Variants in JAZF1 observed in about 807,000 individuals in gnomAD.
JAZF1 encodes JAZF zinc finger 1, also known as juxtaposed with another zinc finger protein 1.
A neutral mutation model predicts 26.4 loss-of-function variants in JAZF1; 8 were observed. The observed-to-expected ratio is 0.30, with a 90% CI of 0.18 to 0.55. The LOEUF (loss-of-function observed/expected upper bound fraction) is 0.55, where lower values mean the gene tolerates loss of function less well. Among genes scored for constraint, JAZF1 ranks in the 20% least tolerant of loss-of-function variants. JAZF1 has a pLI of 0.94. For synonymous variants in JAZF1, 126 were observed against 122.3 expected, an observed-to-expected ratio of 1.03 and a Z score of -0.20; for missense variants, 199 against 322.0, an observed-to-expected ratio of 0.62 and a Z score of 2.92.
Position 27,830,620 on chromosome 7 carries a change from C to A in JAZF1, c.*2180G>T. The A allele has an allele frequency of 5.5e-6, 1 of 181,424 alleles. No homozygotes were observed. The highest frequency in any genetic ancestry group is 1.2e-5 in the Non-Finnish European group (1 of 84,702). 11.2% of individuals were successfully genotyped at this position (181,424 alleles called of 1,614,324 possible). On this transcript the variant is annotated 3_prime_UTR_variant, in exon 5 of 5. Coordinates refer to ENST00000283928, the MANE Select transcript of JAZF1 (RefSeq NM_175061.4). ...TTTATTTTAAATGTGATTTCATTTACATTTATAAGCAGCTTTTCTTGACAG... is the reference window on the plus strand; with the variant it reads ...TTTATTTTAAATGTGATTTCATTTAAATTTATAAGCAGCTTTTCTTGACAG...
intron 1 of JAZF1, among the ~76,000 whole-genome samples, chr7:28,027,177 T>G (rs974031722): frequency 6.6e-6 from 1 of 152,170 alleles, no homozygotes; most frequent in Non-Finnish European, 1.5e-5. Context: ...CCCAGCCCCA[T>G]GCCAGTCTCA....
chr7:28,063,165 A>C (rs1302537017), intron 1 of JAZF1, among the ~76,000 whole-genome samples: 1 of 152,242 alleles, frequency 6.6e-6, no homozygotes, highest in Non-Finnish European at 1.5e-5. Context: ...CTTCCACAGA[A>C]AAGGGCTGGA....
At chr7:28,123,255 A>T (rs1782633783) in intron 1 of JAZF1, among the ~76,000 whole-genome samples, 1 of 152,006 alleles carries the variant, frequency 6.6e-6, no homozygotes, top group Admixed American at 6.6e-5. Context: ...CTCAATCCCT[A>T]CCACTCACCC....
intron 1 of JAZF1, among the ~76,000 whole-genome samples, chr7:28,081,746 T>C (rs1784140793): frequency 6.6e-6 from 1 of 152,140 alleles, no homozygotes; most frequent in African/African-American, 2.4e-5. Flanking sequence ...GGAGGATGGG[T>C]CAATCTGCAT....
intron 4 of JAZF1, among the ~76,000 whole-genome samples, chr7:27,833,924 G>A (rs534269468): frequency 1.2e-4 from 18 of 152,194 alleles, no homozygotes; most frequent in Non-Finnish European, 1.8e-4. Context: ...GACGGCGGAC[G>A]TGTGGTATTT....
chr7:28,090,946 C>T (rs1784286787), intron 1 of JAZF1, among the ~76,000 whole-genome samples: 2 of 150,874 alleles, frequency 1.3e-5, no homozygotes, highest in Non-Finnish European at 3.0e-5. Context: ...CCTGCCTCAG[C>T]CTCCCGAGTA....
At chr7:28,154,706 T>C (rs918305893) in intron 1 of JAZF1, among the ~76,000 whole-genome samples, 2 of 152,102 alleles carry the variant, frequency 1.3e-5, no homozygotes, top group African/African-American at 2.4e-5. Context: ...TAAATAATTA[T>C]TTATGATTCC....
chr7:28,169,652 G>C (rs992558921), intron 1 of JAZF1, among the ~76,000 whole-genome samples: 10 of 152,144 alleles, frequency 6.6e-5, no homozygotes, highest in African/African-American at 2.4e-4. Context: ...CTTAGCTTGG[G>C]TTTACAAAGA....
intron 1 of JAZF1, among the ~76,000 whole-genome samples, chr7:28,078,904 A>G (rs1273670113): frequency 6.6e-6 from 1 of 152,200 alleles, no homozygotes. Context: ...GAACTAGAAT[A>G]ACTGACTTTT....
chr7:28,000,403 T>C (rs915008333), intron 1 of JAZF1, among the ~76,000 whole-genome samples: 3 of 152,088 alleles, frequency 2.0e-5, no homozygotes, highest in Admixed American at 6.6e-5. Flanking sequence ...ATGTCAATAA[T>C]GTCAAAGTTG....
rs534549767 is a variant in JAZF1, at chr7:27,909,663, G to A, written c.189-14247C>T. Among the ~76,000 whole-genome samples, 35 of 152,100 alleles carry A rather than the reference G, an allele frequency of 2.3e-4. 1 individual carries two copies. The South Asian group carries it at 6.6e-3, about 29-fold the overall frequency. ...TGGAGGTTGTGGTGAGCTGAGATCCGCCACTGCCCTCCAGCCTGGGCAACA... is the reference window on the plus strand; with the variant it reads ...TGGAGGTTGTGGTGAGCTGAGATCCACCACTGCCCTCCAGCCTGGGCAACA... On this transcript the variant is annotated intron_variant, in intron 2 of 4. Coordinates refer to ENST00000283928, the MANE Select transcript of JAZF1 (RefSeq NM_175061.4).
At chr7:28,068,236 T>TC (rs1183937357) in intron 1 of JAZF1, among the ~76,000 whole-genome samples, 1 of 151,062 alleles carries the variant, frequency 6.6e-6, no homozygotes, top group African/African-American at 2.4e-5. Context: ...TTTTTTTTTT[T>TC]CATAAAGACA....
In JAZF1 at chr7:27,845,711, A is replaced by AAG. The variant is rs57559915; in HGVS notation, c.386-4845_386-4844insCT. ...GACTCTGCCTCAAAAAAAAAAAAAA[A>AAG]AAAGAAAAGAAAAAGAAAAAGAAAT... On this transcript the variant is annotated intron_variant, in intron 3 of 4. Coordinates refer to ENST00000283928, the MANE Select transcript of JAZF1 (RefSeq NM_175061.4). Among the ~76,000 whole-genome samples the AAG allele has an allele frequency of 2.7e-4, 37 of 137,666 alleles. 1 individual carries two copies. The highest frequency in any genetic ancestry group is 4.5e-4 in the South Asian group (2 of 4,422). 90.3% of individuals were successfully genotyped at this position (137,666 alleles called of 152,430 possible).
rs558593260 is a variant in JAZF1 at position 28,109,794 on chromosome 7, G to C, written c.115+70669C>G. On this transcript the variant is annotated intron_variant, in intron 1 of 4. Coordinates refer to ENST00000283928, the MANE Select transcript of JAZF1 (RefSeq NM_175061.4). ...TTAGCCATGAGAGACTGCGGGGATG[G>C]AGGGCACTCACCTTGCCTCATCTCC... Among the ~76,000 whole-genome samples the C allele has an allele frequency of 7.2e-5, 11 of 152,306 alleles. No individual in the cohort carries two copies. The South Asian group carries it at 2.3e-3, about 32-fold the overall frequency.
chr7:28,055,641 A>G (rs1783692625), intron 1 of JAZF1, among the ~76,000 whole-genome samples: 1 of 152,248 alleles, frequency 6.6e-6, no homozygotes, highest in Non-Finnish European at 1.5e-5. Flanking sequence ...ACTACATACA[A>G]TGTAAGCTTC....
chr7:28,141,753 T>C (rs1782962179), intron 1 of JAZF1, among the ~76,000 whole-genome samples: 1 of 152,218 alleles, frequency 6.6e-6, no homozygotes, highest in Admixed American at 6.5e-5. Context: ...TCTCTTAACC[T>C]ATGACTTCCA....
At chr7:27,876,135 G>T (rs1037540648) in intron 3 of JAZF1, among the ~76,000 whole-genome samples, 1 of 152,140 alleles carries the variant, frequency 6.6e-6, no homozygotes. Context: ...GTACATCCTG[G>T]GTGTCCCCGC....
intron 1 of JAZF1, among the ~76,000 whole-genome samples, chr7:28,049,800 C>T (rs140750540): frequency 5.9e-5 from 9 of 152,272 alleles, no homozygotes; most frequent in South Asian, 2.1e-4. Flanking sequence ...AGGCACTGGA[C>T]GAGCTATGGG....
In JAZF1 at chr7:28,110,493, GAAAGGAAAGGAAAAGGAAAGGA is replaced by G. The variant is rs1583565663; in HGVS notation, c.115+69948_115+69969del. Among the ~76,000 whole-genome samples, 29 of 41,990 alleles carry G rather than the reference GAAAGGAAAGGAAAAGGAAAGGA, an allele frequency of 6.9e-4. 1 individual carries two copies. In the East Asian group the frequency reaches 0.013, roughly 19 times the overall value. The allele number at this position is 41,990 out of a possible 152,430, so 27.5% of individuals were successfully genotyped here. A position where few individuals can be genotyped will look rare whatever the true frequency, so the allele number is the denominator to read the frequency against. On this transcript the variant is annotated intron_variant, in intron 1 of 4. Transcript: ENST00000283928. The stretch of plus-strand genomic sequence containing the variant: ...GAAAGGAAAGGAAAGGAAAGGAAAG[GAAAGGAAAGGAAAAGGAAAGGA>G]AAAGGAAAAGGAAAAGGAAAGGAAA...
Sources: gnomAD v4.1 joint callset for allele counts (sites outside exome capture counted in the v4.1 genomes callset) on GRCh38, gnomAD v4.1.1 for gene constraint, MANE v1.5 for transcripts, NCBI Gene and HGNC (gene_info 2026-07-23, HGNC 2026-07-21) for gene names.